Variants in KHDRBS2 observed in about 807,000 individuals in gnomAD.
KHDRBS2 encodes the protein KH domain-containing, RNA-binding, signal transduction-associated protein 2.
Under a neutral mutation model 44.3 loss-of-function variants are expected in KHDRBS2, and 26 were observed. The observed-to-expected ratio is 0.59, with a 90% CI of 0.43 to 0.81. KHDRBS2 has a LOEUF of 0.81. Among genes scored for constraint, KHDRBS2 ranks in the 40% least tolerant of loss-of-function variants. The probability of loss-of-function intolerance (pLI) is 0.00; values close to 1 mark genes in which losing one functional copy is unlikely to be tolerated. For missense variants in KHDRBS2, 476 were observed against 433.1 expected (o/e 1.10, Z -0.88); for synonymous variants, 194 against 151.1 (o/e 1.28, Z -2.08).
intron 2 of KHDRBS2, among the ~76,000 whole-genome samples, chr6:62,120,409 C>G (rs181152367): frequency 6.6e-6 from 1 of 152,284 alleles, no homozygotes; most frequent in Non-Finnish European, 1.5e-5. Context: ...TCTGTGATTG[C>G]TCTTCTCTGT....
At chr6:61,646,267 C>T in the KHDRBS2 span, among the ~76,000 whole-genome samples, 89,806 of 151,870 alleles carry the variant, frequency 0.59, 26,763 homozygotes, top group African/African-American at 0.61. Context: ...GCACACACTG[C>T]TATAAACAGA....
intron 6 of KHDRBS2, among the ~76,000 whole-genome samples, chr6:61,799,355 C>A (rs181371375): frequency 8.6e-5 from 13 of 151,774 alleles, no homozygotes; most frequent in Admixed American, 6.6e-4. Context: ...TTTCTTTTTG[C>A]ATAGTTTTTT....
chr6:61,673,114 C>T, the KHDRBS2 span, among the ~76,000 whole-genome samples: 4 of 151,842 alleles, frequency 2.6e-5, no homozygotes, highest in Non-Finnish European at 4.4e-5. Flanking sequence ...ATCCTTCCCC[C>T]ATTGCTTGTT....
At chr6:62,147,303 C>T (rs1184429637) in intron 2 of KHDRBS2, among the ~76,000 whole-genome samples, 2 of 151,862 alleles carry the variant, frequency 1.3e-5, no homozygotes, top group African/African-American at 4.8e-5. Flanking sequence ...CCAGAAAATG[C>T]TCTACTAAGC....
intron 1 of KHDRBS2, among the ~76,000 whole-genome samples, chr6:62,192,736 A>C (rs1376344572): frequency 6.6e-6 from 1 of 152,140 alleles, no homozygotes; most frequent in Non-Finnish European, 1.5e-5. Context: ...CCCAGGGCAC[A>C]GTTTCTTCAT....
intron 6 of KHDRBS2, among the ~76,000 whole-genome samples, chr6:61,760,610 C>A (rs144086995): frequency 0.032 from 4,786 of 149,128 alleles, 247 homozygotes; most frequent in African/African-American, 0.11. Context: ...CCAGCCTGGG[C>A]AACAGAGTGA....
chr6:61,752,699 A>G (rs1385055390), intron 6 of KHDRBS2, among the ~76,000 whole-genome samples: 1 of 150,296 alleles, frequency 6.7e-6, no homozygotes, highest in African/African-American at 2.4e-5. Context: ...AAAAAGAACA[A>G]AAATATCCAT....
At chr6:62,168,124 G>A (rs1819087139) in intron 2 of KHDRBS2, among the ~76,000 whole-genome samples, 1 of 152,060 alleles carries the variant, frequency 6.6e-6, no homozygotes, top group African/African-American at 2.4e-5. Context: ...AACACATTTT[G>A]GAACTTCAGT....
At chr6:61,628,901 T>C in the KHDRBS2 span, among the ~76,000 whole-genome samples, 4 of 152,212 alleles carry the variant, frequency 2.6e-5, no homozygotes, top group African/African-American at 7.2e-5. Flanking sequence ...AGGACATATG[T>C]AATAGATGCA....
intron 4 of KHDRBS2, among the ~76,000 whole-genome samples, chr6:61,970,992 G>A (rs1464746994): frequency 6.6e-6 from 1 of 152,092 alleles, no homozygotes; most frequent in East Asian, 1.9e-4. Context: ...TGCCTAAATT[G>A]AGACTCTTCT....
At chr6:61,571,686 T>C in the KHDRBS2 span, among the ~76,000 whole-genome samples, 1 of 152,192 alleles carries the variant, frequency 6.6e-6, no homozygotes, top group Middle Eastern at 3.4e-3. Flanking sequence ...TCAATAAATT[T>C]AAGAAAATTG....
chr6:61,945,501 C>T (rs146658225), intron 4 of KHDRBS2, among the ~76,000 whole-genome samples: 229 of 151,998 alleles, frequency 1.5e-3, no homozygotes, highest in Non-Finnish European at 2.7e-3. Flanking sequence ...ACTTAAACCA[C>T]ATCTGTATTT....
At chr6:62,177,345 A>C in intron 1 of KHDRBS2, 33 bp from the exon 2 acceptor site, 1 of 1,516,876 alleles carries the variant, frequency 6.6e-7, no homozygotes, top group Non-Finnish European at 9.0e-7. Flanking sequence ...AAACAAGTGA[A>C]ATGAGGAACA....
chr6:61,607,519 G>GAAAAAAAAAAA, the KHDRBS2 span, among the ~76,000 whole-genome samples: 484 of 23,250 alleles, frequency 0.021, 89 homozygotes, highest in Non-Finnish European at 0.024. Context: ...TGAGTTCCAA[G>GAAAAAAAAAAA]CAAAAAAAAA....
chr6:61,855,794 G>A (rs1796071003), intron 6 of KHDRBS2, among the ~76,000 whole-genome samples: 1 of 151,962 alleles, frequency 6.6e-6, no homozygotes, highest in African/African-American at 2.4e-5. Flanking sequence ...GGGCAGTTCT[G>A]AAGCGCTTTC....
At chr6:61,850,640 CAG>C (rs1250611144) in intron 6 of KHDRBS2, among the ~76,000 whole-genome samples, 4 of 152,156 alleles carry the variant, frequency 2.6e-5, no homozygotes, top group East Asian at 1.9e-4. Flanking sequence ...GTAAAACACA[CAG>C]AGAATTTTTT....
the KHDRBS2 span, among the ~76,000 whole-genome samples, chr6:61,637,062 T>C: frequency 2.6e-5 from 4 of 152,260 alleles, no homozygotes; most frequent in Middle Eastern, 6.8e-3. Context: ...CTTTAAGTTG[T>C]AGGGTACATG....
chr6:61,766,368 T>C (rs1366338758), intron 6 of KHDRBS2, among the ~76,000 whole-genome samples: 3 of 152,074 alleles, frequency 2.0e-5, no homozygotes, highest in Admixed American at 6.5e-5. Context: ...CTTCTCTCTT[T>C]TTACTTAGTC....
chr6:62,014,623 A>T (rs2127273351), intron 3 of KHDRBS2, among the ~76,000 whole-genome samples: 1 of 152,286 alleles, frequency 6.6e-6, no homozygotes, highest in East Asian at 1.9e-4. Flanking sequence ...TAAAATTATT[A>T]TTTAAGCAAC....
Sources: gnomAD v4.1 joint callset for allele counts (sites outside exome capture counted in the v4.1 genomes callset) on GRCh38, gnomAD v4.1.1 for gene constraint, MANE v1.5 for transcripts, NCBI Gene and HGNC (gene_info 2026-07-23, HGNC 2026-07-21) for gene names.